Variants in DDX4 observed in about 807,000 individuals in gnomAD.
DDX4 encodes the protein probable ATP-dependent RNA helicase DDX4.
DDX4 carries 25 observed loss-of-function variants against 100.0 expected under a neutral mutation model. That is an observed-to-expected ratio of 0.25 (90% CI 0.18 to 0.35). The LOEUF (loss-of-function observed/expected upper bound fraction) is 0.35. DDX4 is among the 10% of genes least tolerant of loss of function. DDX4 has a pLI of 1.00. For synonymous variants in DDX4, 259 were observed against 275.7 expected (o/e 0.94, Z 0.60); for missense variants, 635 against 882.4 (o/e 0.72, Z 3.55).
At chr5:55,802,978 T>A (rs1326692680) in intron 18 of DDX4, among the ~76,000 whole-genome samples, 2 of 152,212 alleles carry the variant, frequency 1.3e-5, no homozygotes, top group Non-Finnish European at 2.9e-5. Flanking sequence ...TATACTTTTT[T>A]AGGGTACATG....
At chr5:55,815,458 T>C (rs1272221472) in intron 21 of DDX4, 35 bp downstream of exon 21, 1 of 1,586,742 alleles carries the variant, frequency 6.3e-7, no homozygotes, top group East Asian at 2.2e-5. Context: ...ACTTGTCTTC[T>C]AGTTACTCTT....
intron 3 of DDX4, among the ~76,000 whole-genome samples, chr5:55,753,453 C>G (rs1267416319): frequency 6.6e-6 from 1 of 152,016 alleles, no homozygotes; most frequent in Non-Finnish European, 1.5e-5. Context: ...GCTTGTTTTT[C>G]TCAGGTTTGT....
At chr5:55,775,634 TAAC>T (rs1381224695) in intron 7 of DDX4, among the ~76,000 whole-genome samples, 2 of 152,204 alleles carry the variant, frequency 1.3e-5, no homozygotes, top group Non-Finnish European at 2.9e-5. Context: ...AGAAATATAA[TAAC>T]TATCTGGTAA....
intron 3 of DDX4, among the ~76,000 whole-genome samples, chr5:55,754,722 T>C (rs1759818968): frequency 6.6e-6 from 1 of 150,756 alleles, no homozygotes; most frequent in Admixed American, 6.6e-5. Flanking sequence ...CTTTTTCTAT[T>C]GATTGGAATA....
At chr5:55,765,598 G>C (rs1452351509) in intron 6 of DDX4, among the ~76,000 whole-genome samples, 1 of 151,802 alleles carries the variant, frequency 6.6e-6, no homozygotes, top group Non-Finnish European at 1.5e-5. Context: ...AAGGAACTCA[G>C]ATACTGGATT....
chr5:55,783,124 G>A (rs750625483), intron 10 of DDX4, among the ~76,000 whole-genome samples: 11 of 152,010 alleles, frequency 7.2e-5, no homozygotes, highest in Non-Finnish European at 1.6e-4. Context: ...ATACTTCAGT[G>A]TCATATAAAA....
chr5:55,780,151 A>G, intron 8 of DDX4, 86 bp downstream of exon 8: 3 of 1,541,938 alleles, frequency 1.9e-6, no homozygotes, highest in East Asian at 2.4e-5. Flanking sequence ...GAAGGTTGTT[A>G]TGAGGATTAT....
Position 55,809,298 on chromosome 5 carries a change from C to T in DDX4, c.1616-4375C>T, listed in dbSNP as rs187425027. ...CGATGCCTGGCCGTGCTTCAGCTCA[C>T]GCTCAGTGTGCTGCACCAAGTGTCC... On this transcript the variant is annotated intron_variant, in intron 18 of 21. Coordinates refer to ENST00000505374, the MANE Select transcript of DDX4 (RefSeq NM_024415.3). 7.9e-5 allele frequency among the ~76,000 whole-genome samples: 12 copies of T among 152,308 alleles called. No individual in the cohort carries two copies. In the South Asian group the frequency reaches 1.2e-3, roughly 16 times the overall value.
At chr5:55,806,745 C>CT (rs1170102348) in intron 18 of DDX4, among the ~76,000 whole-genome samples, 2 of 152,264 alleles carry the variant, frequency 1.3e-5, no homozygotes, top group African/African-American at 4.8e-5. Context: ...TTACTTCCAA[C>CT]TATGTGATCA....
At chr5:55,741,151 G>GT (rs1180009933) in intron 2 of DDX4, among the ~76,000 whole-genome samples, 1 of 152,144 alleles carries the variant, frequency 6.6e-6, no homozygotes, top group Non-Finnish European at 1.5e-5. Context: ...TTCATGAAGT[G>GT]TTTAAGCAGC....
At chr5:55,805,828 G>T (rs1743664588) in intron 18 of DDX4, among the ~76,000 whole-genome samples, 1 of 152,180 alleles carries the variant, frequency 6.6e-6, no homozygotes, top group South Asian at 2.1e-4. Context: ...TCAGGAAGAT[G>T]CTGGCCTCAT....
At chr5:55,789,179 C>T (rs1742408666) in intron 15 of DDX4, among the ~76,000 whole-genome samples, 1 of 152,162 alleles carries the variant, frequency 6.6e-6, no homozygotes, top group African/African-American at 2.4e-5. Flanking sequence ...ATATTTGTGC[C>T]TGCAGTCTAT....
chr5:55,793,414 A>G (rs1742719646), intron 17 of DDX4, among the ~76,000 whole-genome samples: 2 of 152,162 alleles, frequency 1.3e-5, no homozygotes, highest in African/African-American at 4.8e-5. Context: ...TTTACTTTAT[A>G]ATGGTTTATC....
Position 55,798,415 on chromosome 5 carries a change from T to C in DDX4, c.1470-11T>C, listed in dbSNP as rs774020892. On this transcript the variant is annotated splice_polypyrimidine_tract_variant and intron_variant, in intron 17 of 21. Coordinates refer to ENST00000505374, the MANE Select transcript of DDX4 (RefSeq NM_024415.3). Reference sequence around the variant, plus strand: ...GAGGATAAGTTAAAGAATAATCTTTTGTTTTTCAAGGTTGGCTGCAGAGTT... The same window carrying C: ...GAGGATAAGTTAAAGAATAATCTTTCGTTTTTCAAGGTTGGCTGCAGAGTT... The C allele has an allele frequency of 1.2e-5, 20 of 1,608,144 alleles. No homozygotes were observed. In the East Asian group the frequency reaches 4.2e-4, roughly 34 times the overall value.
At chr5:55,768,040 A>G in intron 7 of DDX4, 100 bp downstream of exon 7, 2 of 1,090,932 alleles carry the variant, frequency 1.8e-6, no homozygotes, top group Non-Finnish European at 2.8e-6. Flanking sequence ...GATCGTGAAA[A>G]CCTTTGAAGA....
chr5:55,781,584 G>A (rs934200809), intron 9 of DDX4, among the ~76,000 whole-genome samples: 3 of 152,004 alleles, frequency 2.0e-5, no homozygotes, highest in South Asian at 2.1e-4. Flanking sequence ...CGACACCAGC[G>A]TGGCCAACAT....
intron 7 of DDX4, among the ~76,000 whole-genome samples, chr5:55,772,861 T>C (rs1241789976): frequency 1.3e-5 from 2 of 152,212 alleles, no homozygotes; most frequent in African/African-American, 4.8e-5. Context: ...AATAAACCTT[T>C]TTTTTCATTA....
chr5:55,767,964 T>C, intron 7 of DDX4, 24 bp downstream of exon 7: 1 of 1,606,262 alleles, frequency 6.2e-7, no homozygotes, highest in Non-Finnish European at 8.5e-7. Context: ...TTTGGAACAA[T>C]TTGTACTTAA....
chr5:55,803,011 C>G (rs577317916), intron 18 of DDX4, among the ~76,000 whole-genome samples: 5 of 151,584 alleles, frequency 3.3e-5, no homozygotes, highest in African/African-American at 9.7e-5. Context: ...AGGTTTGTTA[C>G]GTATGTATAC....
Sources: gnomAD v4.1 joint callset for allele counts (sites outside exome capture counted in the v4.1 genomes callset) on GRCh38, gnomAD v4.1.1 for gene constraint, MANE v1.5 for transcripts, NCBI Gene and HGNC (gene_info 2026-07-23, HGNC 2026-07-21) for gene names.